The following C1orf159 variants were observed in gnomAD, a reference collection of about 807,000 sequenced individuals.
The protein encoded by C1orf159 is uncharacterized protein C1orf159.
Under a neutral mutation model 25.6 loss-of-function variants are expected in C1orf159, and 19 were observed. That is an observed-to-expected ratio of 0.74 (90% CI 0.52 to 1.09). The LOEUF (loss-of-function observed/expected upper bound fraction) is 1.09, where lower values mean the gene tolerates loss of function less well. C1orf159 is among the 50% of genes least tolerant of loss of function. C1orf159 has a pLI of 0.00. For missense variants in C1orf159, 274 were observed against 290.6 expected, an observed-to-expected ratio of 0.94 and a Z score of 0.42; for synonymous variants, 139 against 124.7, an observed-to-expected ratio of 1.12 and a Z score of -0.77.
intron 1 of C1orf159, among the ~76,000 whole-genome samples, chr1:1,100,947 A>T (rs1646092238): frequency 6.6e-6 from 1 of 152,146 alleles, no homozygotes; most frequent in Non-Finnish European, 1.5e-5. Context: ...AACCCAAGAG[A>T]TGTTTTAATT....
In C1orf159 at chr1:1,086,441, C is replaced by A. The variant is rs112968953; in HGVS notation, c.311-429G>T. On this transcript the variant is annotated intron_variant, in intron 6 of 9. Coordinates refer to ENST00000421241, the MANE Select transcript of C1orf159 (RefSeq NM_017891.5). The stretch of plus-strand genomic sequence containing the variant: ...CTCAAGCTGGCAGCAGGTGCTCCTG[C>A]ACCCCACTCACCTCCACCTGCCTGG... 1.4e-3 allele frequency among the ~76,000 whole-genome samples: 214 copies of A among 152,346 alleles called. 1 individual carries two copies. The highest frequency in any genetic ancestry group is 5.0e-3 in the African/African-American group (208 of 41,584).
chr1:1,084,540 C>A (rs1232669981), intron 7 of C1orf159, 34 bp from the exon 8 acceptor site: 4 of 1,549,176 alleles, frequency 2.6e-6, no homozygotes, highest in Non-Finnish European at 3.5e-6. Context: ...CACCCTGGAG[C>A]CCAGGAGCTG....
Position 1,090,336 on chromosome 1 carries a change from G to A in C1orf159, c.148+17C>T. 1.3e-6 allele frequency: 2 copies of A among 1,550,378 alleles called. No homozygotes were observed. Among genetic ancestry groups the A allele is most frequent in the Non-Finnish European group, 1.7e-6 (2 of 1,146,828 alleles). On this transcript the variant is annotated intron_variant, in intron 4 of 9. Coordinates refer to ENST00000421241, the MANE Select transcript of C1orf159 (RefSeq NM_017891.5). ...TCAGGGGCCGGTCTGGAATCTGCTT[G>A]GGACAAAGCGGCTTACCTGGACCAC...
At chr1:1,113,808 C>T (rs563438784) in intron 1 of C1orf159, among the ~76,000 whole-genome samples, 59 of 152,220 alleles carry the variant, frequency 3.9e-4, no homozygotes, top group African/African-American at 1.3e-3. Flanking sequence ...TTACGTCTCC[C>T]GATTCTTCCC....
intron 9 of C1orf159, chr1:1,084,060 G>T (rs1246877148): frequency 6.2e-7 from 1 of 1,609,152 alleles, no homozygotes. Context: ...TGTCGTGGTG[G>T]GTCCTCCTTT....
intron 4 of C1orf159, 128 bp downstream of exon 4, chr1:1,090,225 C>A (rs1412592652): frequency 8.3e-6 from 8 of 959,460 alleles, no homozygotes; most frequent in Non-Finnish European, 1.3e-5. Context: ...CCCTCACTGC[C>A]CCATCCACTC....
At chr1:1,115,859 G>C (rs1204812746) in intron 1 of C1orf159, among the ~76,000 whole-genome samples, 2 of 148,778 alleles carry the variant, frequency 1.3e-5, no homozygotes, top group Admixed American at 6.6e-5. Context: ...GTTGGGAGGC[G>C]GCGACGAGGA....
At chr1:1,102,357 T>A (rs895970761) in intron 1 of C1orf159, among the ~76,000 whole-genome samples, 1 of 151,754 alleles carries the variant, frequency 6.6e-6, no homozygotes, top group South Asian at 2.1e-4. Flanking sequence ...TTTTGTTTTA[T>A]TTTCCTCCAA....
At chr1:1,084,445 C>T in intron 8 of C1orf159, 36 bp downstream of exon 8, 1 of 1,572,964 alleles carries the variant, frequency 6.4e-7, no homozygotes, top group Non-Finnish European at 8.6e-7. Context: ...CACACGCGGC[C>T]AGGGACGCTC....
chr1:1,091,196 G>C (rs972171641), intron 3 of C1orf159: 2 of 615,096 alleles, frequency 3.3e-6, no homozygotes, highest in African/African-American at 1.9e-5. Context: ...TGTCACCGCT[G>C]GCAGAGGTGC....
intron 1 of C1orf159, among the ~76,000 whole-genome samples, chr1:1,093,646 G>A (rs1645971276): frequency 6.6e-6 from 1 of 152,240 alleles, no homozygotes; most frequent in African/African-American, 2.4e-5. Context: ...CCTTTCCACA[G>A]TCGGAGGATT....
intron 1 of C1orf159, among the ~76,000 whole-genome samples, chr1:1,104,311 C>A (rs549077199): frequency 6.6e-6 from 1 of 152,184 alleles, no homozygotes. Context: ...TCTATCAGTG[C>A]GTTAGTCACC....
rs773340842 is a variant in C1orf159 at position 1,091,199 on chromosome 1, AG to A, written c.72+272del. On this transcript the variant is annotated intron_variant, in intron 3 of 9. Transcript: ENST00000421241. Reference sequence around the variant, plus strand: ...GGCACGCTGTGCTGTCACCGCTGGCAGAGGTGCTCCCATTGCGGGCCAGGAT... The same window carrying A: ...GGCACGCTGTGCTGTCACCGCTGGCAAGGTGCTCCCATTGCGGGCCAGGAT... 7.5e-5 allele frequency: 46 copies of A among 615,204 alleles called. No homozygotes were observed. In the African/African-American group the frequency reaches 8.1e-4, roughly 11 times the overall value. 38.1% of individuals were successfully genotyped at this position (615,204 alleles called of 1,614,324 possible).
intron 3 of C1orf159, chr1:1,091,005 G>A (rs372342556): frequency 4.4e-5 from 67 of 1,528,046 alleles, no homozygotes; most frequent in Non-Finnish European, 5.8e-5. Flanking sequence ...GAACGGTGAG[G>A]GCGTCCAGGG....
intron 3 of C1orf159, chr1:1,090,899 T>C (rs1276292340): frequency 1.3e-6 from 2 of 1,550,362 alleles, no homozygotes; most frequent in Admixed American, 3.9e-5. Flanking sequence ...GCCCATTCCC[T>C]GACCACAGGC....
chr1:1,087,176 C>G lies in C1orf159; in HGVS notation c.273G>C (p.Met91Ile). 1 of 1,610,410 alleles carries G rather than the reference C, an allele frequency of 6.2e-7. No individual in the cohort carries two copies. Among genetic ancestry groups the G allele is most frequent in the Non-Finnish European group, 8.5e-7 (1 of 1,179,308 alleles). The change falls in exon 6 of 10, where the codon ATG (methionine) becomes ATC (isoleucine). Residue 91 changes from methionine (M) to isoleucine (I), a missense_variant. Transcript: ENST00000421241. This position sits in a 1 kb window ranked among gnomAD's most constrained non-coding sequence, Gnocchi z 8.3. ...SFAGPGAPFP[M>I]NRSSGTPGRP... Reference sequence around the variant, plus strand: ...GCCCGGGGGTCCCTGAGCTTCTGTTCATGGGGAATGGCGCACCCGGGCCAG... The same window carrying G: ...GCCCGGGGGTCCCTGAGCTTCTGTTGATGGGGAATGGCGCACCCGGGCCAG...
At chr1:1,097,715 C>T (rs1646029355) in intron 1 of C1orf159, among the ~76,000 whole-genome samples, 1 of 151,776 alleles carries the variant, frequency 6.6e-6, no homozygotes, top group African/African-American at 2.4e-5. Flanking sequence ...GAACCACCCA[C>T]CTCACCTGGC....
chr1:1,085,116 G>A (rs1046556061), intron 7 of C1orf159: 17 of 270,222 alleles, frequency 6.3e-5, no homozygotes, highest in Admixed American at 1.3e-4. Flanking sequence ...GCGGGCTCCC[G>A]ACTGGAGGCT....
At chr1:1,085,839 T>C (rs1557745839) in intron 7 of C1orf159, 39 bp downstream of exon 7, 1 of 1,610,038 alleles carries the variant, frequency 6.2e-7, no homozygotes, top group Non-Finnish European at 8.5e-7. Flanking sequence ...CCGCCTGCCC[T>C]GTGCCCTCCC....
Sources: gnomAD v4.1 joint callset for allele counts (sites outside exome capture counted in the v4.1 genomes callset) on GRCh38, gnomAD v4.1.1 for gene constraint, Gnocchi (gnomAD v3.1) non-coding constraint, MANE v1.5 for transcripts, NCBI Gene and HGNC (gene_info 2026-07-23, HGNC 2026-07-21) for gene names.